The following GULP1 variants were observed in gnomAD, a reference collection of about 807,000 sequenced individuals.
GULP1 encodes GULP PTB domain containing engulfment adaptor 1.
In GULP1, 19 loss-of-function variants were observed where a neutral mutation model predicts 40.9. The observed-to-expected ratio is 0.46, with a 90% CI of 0.32 to 0.68. GULP1 has a LOEUF of 0.68. GULP1 is among the 30% of genes least tolerant of loss of function. The probability of loss-of-function intolerance (pLI) is 0.03; values close to 1 mark genes in which losing one functional copy is unlikely to be tolerated. For synonymous variants in GULP1, 119 were observed against 117.6 expected, an observed-to-expected ratio of 1.01 and a Z score of -0.08; for missense variants, 312 against 362.2, an observed-to-expected ratio of 0.86 and a Z score of 1.12.
chr2:188,382,792 A>G (rs1175756742), intron 1 of GULP1, among the ~76,000 whole-genome samples: 2 of 152,350 alleles, frequency 1.3e-5, no homozygotes, highest in East Asian at 3.9e-4. Flanking sequence ...AGGCTGAGAC[A>G]GAAGAAAACA....
chr2:188,360,470 G>A (rs1023296340), intron 1 of GULP1, among the ~76,000 whole-genome samples: 24 of 151,334 alleles, frequency 1.6e-4, no homozygotes, highest in African/African-American at 5.8e-4. Context: ...ACTTTTTCTG[G>A]CATCAAATCT....
intron 1 of GULP1, among the ~76,000 whole-genome samples, chr2:188,351,154 G>C (rs1479616790): frequency 6.6e-6 from 1 of 151,864 alleles, no homozygotes; most frequent in Admixed American, 6.6e-5. Context: ...GTTTGAGTAG[G>C]ACTTAAAAAA....
intron 2 of GULP1, among the ~76,000 whole-genome samples, chr2:188,397,676 G>A (rs12612127): frequency 3.9e-5 from 6 of 152,158 alleles, no homozygotes; most frequent in African/African-American, 1.2e-4. Context: ...GCACAGCTTA[G>A]CTGGTACCTC....
chr2:188,501,180 G>A (rs57923102), intron 4 of GULP1, among the ~76,000 whole-genome samples: 12,570 of 151,912 alleles, frequency 0.083, 645 homozygotes, highest in Non-Finnish European at 0.11. Flanking sequence ...TAGTCCCCAC[G>A]TATCAAGGGA....
rs544850594 is a variant in GULP1 at position 188,304,193 on chromosome 2, A to G, written c.-172+12027A>G. 2.0e-5 allele frequency among the ~76,000 whole-genome samples: 3 copies of G among 152,342 alleles called. No individual in the cohort carries two copies. In the East Asian group the frequency reaches 5.8e-4, roughly 29 times the overall value. ...AAAGGATGTATATCTAGATAATTCA[A>G]TTTCCAACTCCCACTTGTGCTGAAA... is the stretch of plus-strand genomic sequence containing the variant. On this transcript the variant is annotated intron_variant, in intron 1 of 11. Transcript: ENST00000409830.
chr2:188,586,340 A>G (rs990384830), intron 10 of GULP1, among the ~76,000 whole-genome samples: 1 of 152,224 alleles, frequency 6.6e-6, no homozygotes, highest in African/African-American at 2.4e-5. Context: ...ACATGTTTGA[A>G]GCAGAACCTT....
chr2:188,477,184 T>C (rs1020278152), intron 2 of GULP1, among the ~76,000 whole-genome samples: 1 of 152,142 alleles, frequency 6.6e-6, no homozygotes, highest in Admixed American at 6.6e-5. Context: ...CCTTTCCTAA[T>C]GTGTAAAACA....
At chr2:188,433,178 C>T (rs2057065915) in intron 2 of GULP1, among the ~76,000 whole-genome samples, 2 of 152,110 alleles carry the variant, frequency 1.3e-5, no homozygotes, top group Admixed American at 6.6e-5. Flanking sequence ...TGAACTTTCC[C>T]ATTTACGCAA....
chr2:188,531,582 C>T (rs1433089605), intron 6 of GULP1, among the ~76,000 whole-genome samples: 1 of 151,956 alleles, frequency 6.6e-6, no homozygotes, highest in Non-Finnish European at 1.5e-5. Context: ...TTAGTTACGG[C>T]GATTCTAAAA....
intron 6 of GULP1, among the ~76,000 whole-genome samples, chr2:188,538,694 A>AGTGTGTGTGTGAGTGTGT (rs1553592803): frequency 2.8e-5 from 4 of 144,806 alleles, no homozygotes; most frequent in African/African-American, 1.0e-4. Flanking sequence ...TGTGTGTGTG[A>AGTGTGTGTGTGAGTGTGT]GTGTGTGTGT....
intron 7 of GULP1, among the ~76,000 whole-genome samples, chr2:188,557,049 A>G (rs1001589998): frequency 2.6e-5 from 4 of 151,814 alleles, no homozygotes; most frequent in African/African-American, 9.7e-5. Flanking sequence ...AAAGAAATCT[A>G]CCACCATGTT....
intron 9 of GULP1, among the ~76,000 whole-genome samples, chr2:188,576,682 A>T (rs1700237039): frequency 2.0e-5 from 3 of 152,134 alleles, no homozygotes; most frequent in African/African-American, 7.2e-5. Context: ...CCTATATTAC[A>T]TACCTCTGCA....
chr2:188,568,537 A>G (rs1380020126), intron 7 of GULP1, among the ~76,000 whole-genome samples: 7 of 152,220 alleles, frequency 4.6e-5, no homozygotes, highest in South Asian at 2.1e-4. Context: ...CAGATGACAT[A>G]TATATTTTGA....
intron 4 of GULP1, among the ~76,000 whole-genome samples, chr2:188,512,661 C>A (rs1314578594): frequency 6.6e-6 from 1 of 152,124 alleles, no homozygotes; most frequent in African/African-American, 2.4e-5. Flanking sequence ...CTGCTCTCTA[C>A]TGGCAAAGAA....
intron 7 of GULP1, among the ~76,000 whole-genome samples, chr2:188,566,385 T>C (rs572062939): frequency 6.6e-6 from 1 of 152,116 alleles, no homozygotes; most frequent in Non-Finnish European, 1.5e-5. Context: ...GATGTTATTA[T>C]AAAATGAGAA....
intron 2 of GULP1, among the ~76,000 whole-genome samples, chr2:188,450,564 T>C (rs2058756210): frequency 1.3e-5 from 2 of 152,126 alleles, no homozygotes; most frequent in South Asian, 4.1e-4. Flanking sequence ...TTCATCTGGG[T>C]ATATACAATT....
chr2:188,442,512 G>A (rs1387873177), intron 2 of GULP1, among the ~76,000 whole-genome samples: 1 of 152,144 alleles, frequency 6.6e-6, no homozygotes, highest in East Asian at 1.9e-4. Context: ...AGCCACTTTT[G>A]AAAAATATGT....
intron 1 of GULP1, among the ~76,000 whole-genome samples, chr2:188,358,174 C>T (rs2045608856): frequency 6.6e-6 from 1 of 151,990 alleles, no homozygotes; most frequent in Non-Finnish European, 1.5e-5. Flanking sequence ...GAGCGAGACT[C>T]CATCTCAAAC....
At chr2:188,446,719 ATATT>A (rs1296667220) in intron 2 of GULP1, among the ~76,000 whole-genome samples, 6 of 152,226 alleles carry the variant, frequency 3.9e-5, no homozygotes, top group African/African-American at 7.2e-5. Context: ...AAAACAGTAA[ATATT>A]AATTTATATA....
Sources: allele counts gnomAD v4.1 joint callset (sites outside exome capture counted in the v4.1 genomes callset), GRCh38; gene constraint gnomAD v4.1.1; transcripts MANE v1.5; gene names NCBI Gene and HGNC (gene_info 2026-07-23, HGNC 2026-07-21).